Variants in PTPRD observed in about 807,000 individuals in gnomAD.
The protein encoded by PTPRD is receptor-type tyrosine-protein phosphatase delta.
Under a neutral mutation model 214.5 loss-of-function variants are expected in PTPRD, and 34 were observed. The observed-to-expected ratio is 0.16, with a 90% CI of 0.12 to 0.21. The LOEUF is 0.21. Ranked by LOEUF, PTPRD falls within the 10% of genes least tolerant of loss-of-function variation. PTPRD has a pLI of 1.00. For missense variants in PTPRD, 2,545 were observed against 2,398.7 expected, an observed-to-expected ratio of 1.06 and a Z score of -1.27; for synonymous variants, 1,128 against 845.7, an observed-to-expected ratio of 1.33 and a Z score of -5.79.
At chr9:8,803,935 G>A (rs1050139913) in intron 11 of PTPRD, among the ~76,000 whole-genome samples, 19 of 149,828 alleles carry the variant, frequency 1.3e-4, no homozygotes, top group African/African-American at 2.7e-4. Context: ...TTTTTTTTAC[G>A]TTTGAAGTCC....
At chr9:9,739,231 G>A (rs561942149) in intron 6 of PTPRD, among the ~76,000 whole-genome samples, 3 of 152,280 alleles carry the variant, frequency 2.0e-5, no homozygotes, top group East Asian at 3.9e-4. Flanking sequence ...GAATACAAGT[G>A]GTGATACTGG....
intron 4 of PTPRD, among the ~76,000 whole-genome samples, chr9:9,974,681 T>C (rs755402739): frequency 5.3e-5 from 8 of 152,224 alleles, no homozygotes; most frequent in Non-Finnish European, 1.0e-4. Flanking sequence ...CCATACACAG[T>C]TATGGCAAGC....
At chr9:8,472,220 A>G (rs2096666534) in intron 30 of PTPRD, among the ~76,000 whole-genome samples, 1 of 152,142 alleles carries the variant, frequency 6.6e-6, no homozygotes, top group Admixed American at 6.6e-5. Context: ...GTCATAAAGT[A>G]TTTTCTAAGG....
intron 12 of PTPRD, among the ~76,000 whole-genome samples, chr9:8,727,987 C>T (rs1041264144): frequency 1.3e-5 from 2 of 152,200 alleles, no homozygotes; most frequent in Admixed American, 6.5e-5. Context: ...GTGGCTCATG[C>T]CTGTAATCCC....
intron 3 of PTPRD, among the ~76,000 whole-genome samples, chr9:10,337,765 C>T (rs944900986): frequency 1.3e-5 from 2 of 151,570 alleles, no homozygotes; most frequent in African/African-American, 2.4e-5. Flanking sequence ...TTTACAGGTG[C>T]GGGAACTGAG....
At chr9:9,059,901 T>C (rs2099703962) in intron 10 of PTPRD, among the ~76,000 whole-genome samples, 1 of 152,140 alleles carries the variant, frequency 6.6e-6, no homozygotes, top group Non-Finnish European at 1.5e-5. Flanking sequence ...AGAAACAGAA[T>C]ACTTAAATAA....
chr9:9,258,122 T>A (rs959636398), intron 9 of PTPRD, among the ~76,000 whole-genome samples: 2 of 145,438 alleles, frequency 1.4e-5, no homozygotes, highest in Non-Finnish European at 3.1e-5. Flanking sequence ...GATAGACAGA[T>A]AAACTGCATC....
At chr9:8,752,068 C>G (rs1314000570) in intron 11 of PTPRD, among the ~76,000 whole-genome samples, 2 of 152,144 alleles carry the variant, frequency 1.3e-5, no homozygotes, top group Admixed American at 6.5e-5. Context: ...CTGGGGTCCC[C>G]TGCCACCGCT....
At chr9:10,532,768 G>C (rs191575064) in intron 2 of PTPRD, among the ~76,000 whole-genome samples, 2 of 151,676 alleles carry the variant, frequency 1.3e-5, no homozygotes, top group Non-Finnish European at 2.9e-5. Flanking sequence ...TGCTTTGTGT[G>C]TAAGGACTCT....
At chr9:9,988,624 G>C (rs879737092) in intron 4 of PTPRD, among the ~76,000 whole-genome samples, 2 of 152,002 alleles carry the variant, frequency 1.3e-5, no homozygotes, top group African/African-American at 2.4e-5. Flanking sequence ...GCCTAGTAAA[G>C]TAAAATAGCC....
chr9:8,714,678 T>C (rs2098411557), intron 12 of PTPRD, among the ~76,000 whole-genome samples: 1 of 152,030 alleles, frequency 6.6e-6, no homozygotes, highest in African/African-American at 2.4e-5. Flanking sequence ...CATGGCTAAC[T>C]TCCCTACCTC....
intron 11 of PTPRD, among the ~76,000 whole-genome samples, chr9:9,006,567 A>G (rs2099469199): frequency 6.6e-6 from 1 of 152,038 alleles, no homozygotes; most frequent in Non-Finnish European, 1.5e-5. Context: ...TTGGGCTGCA[A>G]TTACCATATT....
chr9:10,031,467 C>A (rs1387306787), intron 4 of PTPRD, among the ~76,000 whole-genome samples: 1 of 151,298 alleles, frequency 6.6e-6, no homozygotes, highest in Non-Finnish European at 1.5e-5. Flanking sequence ...GCCTCCCAGC[C>A]TACATCTTTC....
intron 35 of PTPRD, among the ~76,000 whole-genome samples, chr9:8,429,117 T>A (rs958641366): frequency 6.6e-6 from 1 of 152,226 alleles, no homozygotes; most frequent in Non-Finnish European, 1.5e-5. Context: ...TTGGTAACTA[T>A]GACATTTTCA....
chr9:10,563,552 ATTAG>A (rs1005675362), intron 2 of PTPRD, among the ~76,000 whole-genome samples: 8 of 152,156 alleles, frequency 5.3e-5, no homozygotes, highest in African/African-American at 1.7e-4. Flanking sequence ...TTACTAATGA[ATTAG>A]TTACATTATT....
At chr9:9,084,860 T>G (rs1356224771) in intron 10 of PTPRD, among the ~76,000 whole-genome samples, 1 of 152,136 alleles carries the variant, frequency 6.6e-6, no homozygotes. Context: ...AATATCAACA[T>G]TTTATTTTCT....
intron 2 of PTPRD, among the ~76,000 whole-genome samples, chr9:10,602,224 C>T (rs762794134): frequency 1.4e-4 from 21 of 151,722 alleles, no homozygotes; most frequent in Non-Finnish European, 2.5e-4. Context: ...CGATCCAATT[C>T]GCTGTGAAAG....
At chr9:8,448,567 C>T (rs565825460) in intron 34 of PTPRD, among the ~76,000 whole-genome samples, 43 of 151,944 alleles carry the variant, frequency 2.8e-4, no homozygotes, top group Non-Finnish European at 5.3e-4. Context: ...TACACGTTCC[C>T]GGTGCATGAT....
intron 3 of PTPRD, among the ~76,000 whole-genome samples, chr9:10,210,547 A>G (rs1033965468): frequency 5.9e-5 from 9 of 151,652 alleles, no homozygotes; most frequent in South Asian, 4.2e-4. Context: ...TTTGTCATCA[A>G]TTTCCACTAG....
Sources: gnomAD v4.1 joint callset for allele counts (sites outside exome capture counted in the v4.1 genomes callset) on GRCh38, gnomAD v4.1.1 for gene constraint, MANE v1.5 for transcripts, NCBI Gene and HGNC (gene_info 2026-07-23, HGNC 2026-07-21) for gene names.